Variants in EIF4G3 observed in about 807,000 individuals in gnomAD.
The protein encoded by EIF4G3 is eukaryotic translation initiation factor 4 gamma 3, also known as eIF-4-gamma 3.
EIF4G3 carries 34 observed loss-of-function variants against 186.4 expected under a neutral mutation model. The ratio of observed to expected loss-of-function variants is 0.18; its 90% CI spans 0.14 to 0.24. The LOEUF (loss-of-function observed/expected upper bound fraction) is 0.24, where lower values mean the gene tolerates loss of function less well. EIF4G3 is among the 10% of genes least tolerant of loss of function. The probability of loss-of-function intolerance (pLI) is 1.00; values close to 1 mark genes in which losing one functional copy is unlikely to be tolerated. For synonymous variants in EIF4G3, 673 were observed against 679.5 expected, an observed-to-expected ratio of 0.99 and a Z score of 0.15; for missense variants, 1,536 against 1,948.5, an observed-to-expected ratio of 0.79 and a Z score of 3.99.
chr1:20,837,316 C>T (rs1414016597), intron 30 of EIF4G3, among the ~76,000 whole-genome samples: 1 of 152,188 alleles, frequency 6.6e-6, no homozygotes, highest in East Asian at 1.9e-4. Flanking sequence ...AGCAATTCTC[C>T]TGTCTCAGCC....
At position 21,159,895 on chromosome 1, in the gene EIF4G3, C is replaced by G. The variant is rs140361150; in HGVS notation, c.-272+16280G>C. On this transcript the variant is annotated intron_variant, in intron 2 of 36. Coordinates refer to ENST00000602326, the MANE Select transcript of EIF4G3 (RefSeq NM_001391906.1). ...GCCAAGCGGGTGGATCATCTGAGGT[C>G]AGGAGTTCAAGACCAGCCTGGGCAA... 3.0e-4 allele frequency among the ~76,000 whole-genome samples: 46 copies of G among 152,128 alleles called. No homozygotes were observed. In the East Asian group the frequency reaches 8.1e-3, roughly 27 times the overall value.
At chr1:21,153,216 G>A (rs1320856608) in intron 2 of EIF4G3, among the ~76,000 whole-genome samples, 1 of 151,934 alleles carries the variant, frequency 6.6e-6, no homozygotes, top group East Asian at 1.9e-4. Flanking sequence ...TTTTTGAAGG[G>A]AAGCTAAAAA....
At chr1:20,860,547 C>T (rs1393381158) in intron 23 of EIF4G3, 30 bp from the exon 24 acceptor site, 1 of 1,588,920 alleles carries the variant, frequency 6.3e-7, no homozygotes, top group Admixed American at 1.9e-5. Flanking sequence ...GGTTATCTGC[C>T]AGATAAACTG....
rs66560662 is a variant in EIF4G3 at position 20,868,090 on chromosome 1, C to CTTTTTTTTTTTTTT, written c.2623-2842_2623-2829dup. 9.5e-4 allele frequency among the ~76,000 whole-genome samples: 86 copies of CTTTTTTTTTTTTTT among 90,424 alleles called. 4 individuals are homozygous for CTTTTTTTTTTTTTT. The highest frequency in any genetic ancestry group is 3.2e-3 in the East Asian group (8 of 2,508). The allele number at this position is 90,424 out of a possible 152,430, so 59.3% of individuals were successfully genotyped here. On this transcript the variant is annotated intron_variant, in intron 20 of 36. Transcript: ENST00000602326. ...GAGAATAGTGATTCATGGTGATTTT[C>CTTTTTTTTTTTTTT]TTTTTTTTTTTTTTTTGTCCTTAGG...
At chr1:20,902,148 C>T (rs1211346955) in intron 15 of EIF4G3, among the ~76,000 whole-genome samples, 1 of 151,442 alleles carries the variant, frequency 6.6e-6, no homozygotes, top group Non-Finnish European at 1.5e-5. Flanking sequence ...ACTGCAATCT[C>T]CGCCTCCCAG....
intron 6 of EIF4G3, among the ~76,000 whole-genome samples, chr1:20,997,998 A>C (rs2874367): frequency 0.5 from 75,846 of 151,568 alleles, 19,722 homozygotes; most frequent in East Asian, 0.76. Flanking sequence ...CATGAAAATC[A>C]AGTATGCTGT....
intron 10 of EIF4G3, among the ~76,000 whole-genome samples, chr1:20,974,759 T>C (rs2076515948): frequency 6.6e-6 from 1 of 151,948 alleles, no homozygotes; most frequent in Non-Finnish European, 1.5e-5. Flanking sequence ...GGGGGGAAAA[T>C]TGTCAATGTG....
intron 11 of EIF4G3, among the ~76,000 whole-genome samples, chr1:20,972,010 G>GA (rs2075994293): frequency 6.6e-6 from 1 of 152,134 alleles, no homozygotes; most frequent in South Asian, 2.1e-4. Flanking sequence ...TTACTCGTGT[G>GA]AATGTGGGAG....
rs531885169 is a variant in EIF4G3 at position 21,121,855 on chromosome 1, TA to T, written c.-271-32643del. On this transcript the variant is annotated intron_variant, in intron 2 of 36. Coordinates refer to ENST00000602326, the MANE Select transcript of EIF4G3 (RefSeq NM_001391906.1). ...AGGTTCCTTTACAATGTATCTTAAC[TA>T]CAACACGTGTGTATACACTGGCCAT... Among the ~76,000 whole-genome samples, 191 of 152,150 alleles carry T rather than the reference TA, an allele frequency of 1.3e-3. 1 individual carries two copies. Among genetic ancestry groups the T allele is most frequent in the African/African-American group, 4.4e-3 (181 of 41,502 alleles).
At chr1:21,145,900 C>CA (rs2097431785) in intron 2 of EIF4G3, among the ~76,000 whole-genome samples, 1 of 152,112 alleles carries the variant, frequency 6.6e-6, no homozygotes, top group Non-Finnish European at 1.5e-5. Flanking sequence ...GGCAACACAG[C>CA]AAGACCTCAT....
chr1:20,919,913 C>CT (rs556136216), intron 14 of EIF4G3, among the ~76,000 whole-genome samples: 119 of 138,012 alleles, frequency 8.6e-4, no homozygotes, highest in South Asian at 3.9e-3. Context: ...GGAGATAATT[C>CT]TTTTTTTTTT....
intron 5 of EIF4G3, among the ~76,000 whole-genome samples, chr1:21,002,327 A>G (rs1268702258): frequency 6.6e-6 from 1 of 152,234 alleles, no homozygotes; most frequent in Non-Finnish European, 1.5e-5. Flanking sequence ...GAATTTGAGA[A>G]TTTAATTAGT....
intron 10 of EIF4G3, among the ~76,000 whole-genome samples, chr1:20,979,562 G>A (rs1335782124): frequency 6.6e-6 from 1 of 152,104 alleles, no homozygotes; most frequent in East Asian, 1.9e-4. Flanking sequence ...TGTGAAAGGA[G>A]GATAAGGTAT....
intron 3 of EIF4G3, among the ~76,000 whole-genome samples, chr1:21,073,073 G>A (rs1003202214): frequency 6.6e-6 from 1 of 152,142 alleles, no homozygotes; most frequent in South Asian, 2.1e-4. Context: ...AATTCATTTG[G>A]TCAGATTCCA....
chr1:21,114,939 G>C (rs1364503905), intron 2 of EIF4G3, among the ~76,000 whole-genome samples: 2 of 152,144 alleles, frequency 1.3e-5, no homozygotes, highest in Admixed American at 6.5e-5. Context: ...GAGGCAAAAG[G>C]AACACTTAAG....
chr1:20,878,311 C>CT (rs1164955939), intron 20 of EIF4G3, among the ~76,000 whole-genome samples: 1 of 152,156 alleles, frequency 6.6e-6, no homozygotes, highest in Admixed American at 6.5e-5. Flanking sequence ...AACTCAAACT[C>CT]TATTTGCTTT....
At chr1:20,998,248 C>CAA (rs1491452354) in intron 6 of EIF4G3, among the ~76,000 whole-genome samples, 1 of 129,480 alleles carries the variant, frequency 7.7e-6, no homozygotes, top group African/African-American at 2.7e-5. Context: ...CACACACACA[C>CAA]AAGTTTAAGT....
intron 33 of EIF4G3, among the ~76,000 whole-genome samples, chr1:20,820,248 C>T (rs905218736): frequency 1.3e-5 from 2 of 151,922 alleles, no homozygotes; most frequent in African/African-American, 2.4e-5. Context: ...CTGGGCCTCC[C>T]GTTCCACAAA....
intron 3 of EIF4G3, among the ~76,000 whole-genome samples, chr1:21,076,132 T>A (rs2100589952): frequency 6.6e-6 from 1 of 152,270 alleles, no homozygotes; most frequent in Non-Finnish European, 1.5e-5. Context: ...AATAAAATCA[T>A]ACCAAGTATC....
Sources: allele counts gnomAD v4.1 joint callset (sites outside exome capture counted in the v4.1 genomes callset), GRCh38; gene constraint gnomAD v4.1.1; transcripts MANE v1.5; gene names NCBI Gene and HGNC (gene_info 2026-07-23, HGNC 2026-07-21).